CUL3: variants seen among roughly 807,000 people sequenced by gnomAD.
The protein encoded by CUL3 is cullin 3, also known as cullin-3.
In CUL3, 19 loss-of-function variants were observed where a neutral mutation model predicts 89.1. The ratio of observed to expected loss-of-function variants is 0.21; its 90% CI spans 0.15 to 0.31. The LOEUF is 0.31. CUL3 is among the 10% of genes least tolerant of loss of function. CUL3 has a pLI of 1.00. For missense variants in CUL3, 469 were observed against 942.3 expected (o/e 0.50, Z 6.58); for synonymous variants, 351 against 308.4 (o/e 1.14, Z -1.45).
chr2:224,557,879 G>C, intron 1 of CUL3, 23 bp from the exon 2 acceptor site: 7 of 75,118 alleles, frequency 9.3e-5, no homozygotes, highest in East Asian at 4.8e-4. Context: ...AGAGAGAGAA[G>C]AGACAAAAAA....
intron 1 of CUL3, chr2:224,562,875 T>G: frequency 5.8e-6 from 1 of 171,962 alleles, no homozygotes; most frequent in Admixed American, 6.3e-5. Flanking sequence ...TCAGACAGCC[T>G]TAGGTTTGTG....
At chr2:224,526,528 G>C (rs532904747) in intron 3 of CUL3, among the ~76,000 whole-genome samples, 53 of 141,750 alleles carry the variant, frequency 3.7e-4, no homozygotes, top group Admixed American at 9.5e-4. Flanking sequence ...GAAGGCTGCA[G>C]TGAGCTGAGA....
Position 224,585,119 on chromosome 2 carries a change from G to C in CUL3, c.-110C>G, listed in dbSNP as rs372672306. ...GCGACGCTGGGGGCGGCGGCGGCGC[G>C]ACCCCCGGGCAGGGCTGGGGAGCTG... On this transcript the variant is annotated 5_prime_UTR_variant, in exon 1 of 16. Coordinates refer to ENST00000264414, the MANE Select transcript of CUL3 (RefSeq NM_003590.5). 4.8e-6 allele frequency: 4 copies of C among 825,774 alleles called. No individual in the cohort carries two copies. Among genetic ancestry groups the C allele is most frequent in the Non-Finnish European group, 6.5e-6 (4 of 613,258 alleles). The allele number at this position is 825,774 out of a possible 1,614,324, so 51.2% of individuals were successfully genotyped here.
chr2:224,558,409 C>CT (rs1694790327), intron 1 of CUL3, among the ~76,000 whole-genome samples: 1 of 152,220 alleles, frequency 6.6e-6, no homozygotes, highest in African/African-American at 2.4e-5. Context: ...CATCCTCACT[C>CT]TATGATTATG....
At chr2:224,501,101 T>TGGCACA (rs1338286705) in intron 10 of CUL3, among the ~76,000 whole-genome samples, 11 of 152,212 alleles carry the variant, frequency 7.2e-5, no homozygotes, top group Non-Finnish European at 1.6e-4. Context: ...TTGGGCCTTT[T>TGGCACA]TAAATAAAAG....
At chr2:224,490,581 A>G (rs1691930823) in intron 13 of CUL3, among the ~76,000 whole-genome samples, 1 of 151,962 alleles carries the variant, frequency 6.6e-6, no homozygotes, top group Non-Finnish European at 1.5e-5. Flanking sequence ...GTCTCCGCAC[A>G]AGGGGAGAAA....
At chr2:224,539,788 T>C (rs936064315) in intron 2 of CUL3, among the ~76,000 whole-genome samples, 3 of 149,956 alleles carry the variant, frequency 2.0e-5, no homozygotes, top group Admixed American at 6.6e-5. Flanking sequence ...AAAATAGGTA[T>C]GTAAGTAGGC....
intron 1 of CUL3, among the ~76,000 whole-genome samples, chr2:224,576,866 T>C (rs979655166): frequency 1.3e-5 from 2 of 152,210 alleles, no homozygotes; most frequent in Non-Finnish European, 2.9e-5. Flanking sequence ...TACATGTGAA[T>C]CATATATGAA....
intron 1 of CUL3, among the ~76,000 whole-genome samples, chr2:224,571,929 A>G (rs1314051465): frequency 1.3e-5 from 2 of 152,222 alleles, no homozygotes; most frequent in Non-Finnish European, 2.9e-5. Context: ...TTCATTTCAC[A>G]AAGAAGAAAC....
chr2:224,542,717 A>G (rs902445914), intron 2 of CUL3, among the ~76,000 whole-genome samples: 2 of 152,122 alleles, frequency 1.3e-5, no homozygotes, highest in African/African-American at 4.8e-5. Context: ...CCTATTTTTC[A>G]ACTGTATAAT....
chr2:224,509,816 C>T (rs1692746792), intron 6 of CUL3, among the ~76,000 whole-genome samples: 1 of 152,186 alleles, frequency 6.6e-6, no homozygotes, highest in African/African-American at 2.4e-5. Flanking sequence ...TTTATCAATA[C>T]TCATTTTGTT....
At chr2:224,500,152 TC>T in intron 11 of CUL3, 3 of 459,402 alleles carry the variant, frequency 6.5e-6, no homozygotes, top group Non-Finnish European at 1.2e-5. Flanking sequence ...ATATAAACAA[TC>T]TTTCTAGAGA....
intron 15 of CUL3, among the ~76,000 whole-genome samples, chr2:224,475,251 T>C (rs146848302): frequency 6.6e-6 from 1 of 152,130 alleles, no homozygotes; most frequent in Non-Finnish European, 1.5e-5. Flanking sequence ...TCTCCTGACC[T>C]TGTGATCTGC....
At chr2:224,513,174 G>A (rs552600181) in intron 5 of CUL3, among the ~76,000 whole-genome samples, 20 of 152,116 alleles carry the variant, frequency 1.3e-4, no homozygotes, top group Non-Finnish European at 2.8e-4. Context: ...TTATCTGTAA[G>A]GTTTTCAGTC....
chr2:224,544,118 T>C (rs1406996340), intron 2 of CUL3, among the ~76,000 whole-genome samples: 1 of 152,236 alleles, frequency 6.6e-6, no homozygotes, highest in Non-Finnish European at 1.5e-5. Flanking sequence ...ATCTAGTCTG[T>C]AGCACCTCTT....
At chr2:224,564,252 C>T (rs1016475061) in intron 1 of CUL3, among the ~76,000 whole-genome samples, 5 of 152,208 alleles carry the variant, frequency 3.3e-5, no homozygotes, top group African/African-American at 7.2e-5. Flanking sequence ...CACTGTACTC[C>T]AGCCTGGGCA....
rs75369440 is a variant in CUL3, at chr2:224,535,798, T to A, written c.265-157A>T. ...TAGAAATATTTTAAGCTATAACCTA[T>A]ACACAGAAGAGTATCAAATGTATAT... On this transcript the variant is annotated intron_variant, in intron 2 of 15. Coordinates refer to ENST00000264414, the MANE Select transcript of CUL3 (RefSeq NM_003590.5). 0.018 allele frequency among the ~76,000 whole-genome samples: 2,787 copies of A among 152,306 alleles called. 89 individuals carry two copies. Among genetic ancestry groups the A allele is most frequent in the African/African-American group, 0.063 (2,634 of 41,558 alleles).
At chr2:224,519,095 C>T (rs1177601183) in intron 3 of CUL3, among the ~76,000 whole-genome samples, 1 of 152,182 alleles carries the variant, frequency 6.6e-6, no homozygotes, top group Non-Finnish European at 1.5e-5. Context: ...TAAAATTCTC[C>T]AAACTCTGAA....
intron 3 of CUL3, among the ~76,000 whole-genome samples, chr2:224,516,847 A>G (rs1032431899): frequency 5.3e-5 from 8 of 151,654 alleles, no homozygotes; most frequent in African/African-American, 1.7e-4. Flanking sequence ...GGGTTTCACC[A>G]TGTGGGCCAG....
Sources: allele counts gnomAD v4.1 joint callset (sites outside exome capture counted in the v4.1 genomes callset), GRCh38; gene constraint gnomAD v4.1.1; transcripts MANE v1.5; gene names NCBI Gene and HGNC (gene_info 2026-07-23, HGNC 2026-07-21).